Variants in TMOD2 observed in about 807,000 individuals in gnomAD.
TMOD2 encodes tropomodulin-2.
Under a neutral mutation model 39.9 loss-of-function variants are expected in TMOD2, and 22 were observed. That is an observed-to-expected ratio of 0.55 (90% CI 0.39 to 0.79). TMOD2 has a LOEUF of 0.79. TMOD2 is among the 30% of genes least tolerant of loss of function. The pLI, the probability that TMOD2 is intolerant of heterozygous loss-of-function variation, is 0.00. For missense variants in TMOD2, 386 were observed against 413.3 expected, an observed-to-expected ratio of 0.93 and a Z score of 0.57; for synonymous variants, 123 against 146.1, an observed-to-expected ratio of 0.84 and a Z score of 1.14.
intron 7 of TMOD2, chr15:51,783,877 T>A (rs903176134): frequency 1.3e-5 from 2 of 152,206 alleles, no homozygotes; most frequent in Non-Finnish European, 2.9e-5. Context: ...TTGTCCCAGG[T>A]AAATACTTAT....
In TMOD2 at chr15:51,809,054, C is replaced by T. The variant is rs1394063827; in HGVS notation, c.*600C>T. On this transcript the variant is annotated 3_prime_UTR_variant, in exon 10 of 10. Coordinates refer to ENST00000249700, the MANE Select transcript of TMOD2 (RefSeq NM_014548.4). ...TTCATAAAGCAAGACAACATTATGA[C>T]ACTTTAAAACAGTAGCAAAGAAGTC... 6.6e-6 allele frequency: 1 copy of T among 152,516 alleles called. No individual in the cohort carries two copies. Among genetic ancestry groups the T allele is most frequent in the African/African-American group, 2.4e-5 (1 of 41,452 alleles). 9.4% of individuals were successfully genotyped at this position (152,516 alleles called of 1,614,324 possible). A position where few individuals can be genotyped will look rare whatever the true frequency, so the allele number is the denominator to read the frequency against.
chr15:51,795,593 T>G lies in TMOD2; in HGVS notation c.733-2604T>G, dbSNP rs867024665. 8.8e-3 allele frequency among the ~76,000 whole-genome samples: 628 copies of G among 71,658 alleles called. 10 individuals carry two copies. The highest frequency in any genetic ancestry group is 0.018 in the Admixed American group (111 of 6,296). 47.0% of individuals were successfully genotyped at this position (71,658 alleles called of 152,430 possible). A position where few individuals can be genotyped will look rare whatever the true frequency, so the allele number is the denominator to read the frequency against. ...TGCTTGCTTGCTTTCTTTCTTTCTT[T>G]CTTTCTTTCTTTCTTTCTTTCTTTC... is the stretch of plus-strand genomic sequence containing the variant. On this transcript the variant is annotated intron_variant, in intron 7 of 9. Coordinates refer to ENST00000249700, the MANE Select transcript of TMOD2 (RefSeq NM_014548.4).
At chr15:51,766,599 A>G in intron 2 of TMOD2, 32 bp downstream of exon 2, 1 of 1,608,766 alleles carries the variant, frequency 6.2e-7, no homozygotes, top group South Asian at 1.1e-5. Flanking sequence ...CAGAGTGGTT[A>G]ATGATAGTAT....
intron 1 of TMOD2, among the ~76,000 whole-genome samples, chr15:51,759,265 G>C (rs768372643): frequency 7.2e-5 from 11 of 152,144 alleles, no homozygotes; most frequent in Non-Finnish European, 1.3e-4. Context: ...GAGGAAAGAT[G>C]ATGAGAGCAC....
chr15:51,783,778 GATA>G (rs2055949499), intron 7 of TMOD2: 1 of 151,954 alleles, frequency 6.6e-6, no homozygotes, highest in Non-Finnish European at 1.5e-5. Flanking sequence ...TAGATAGATA[GATA>G]GATAGATAGA....
At chr15:51,788,295 G>A (rs1042091129) in intron 7 of TMOD2, among the ~76,000 whole-genome samples, 4 of 152,150 alleles carry the variant, frequency 2.6e-5, no homozygotes. Context: ...CAAATTAATG[G>A]AGTACAGTCA....
intron 1 of TMOD2, among the ~76,000 whole-genome samples, chr15:51,760,084 G>A (rs2055770339): frequency 6.6e-6 from 1 of 152,208 alleles, no homozygotes; most frequent in Non-Finnish European, 1.5e-5. Context: ...GCAGGGGAGT[G>A]GATGTGGAGG....
Position 51,808,445 on chromosome 15 carries a change from C to T in TMOD2, c.1047C>T (p.Asp349=), listed in dbSNP as rs1199689996. ...DLVRKKRVEA[D]RR is the part of the protein sequence containing the mutation. ...TTCGTAAGAAGAGAGTTGAAGCAGA[C>T]CGAAGGTAAACTTCCTTGAGGAGAA... is the stretch of plus-strand genomic sequence containing the variant. The change falls in exon 10 of 10, where the codon GAC becomes GAT. Residue 349 remains aspartate (D), a synonymous_variant. Coordinates refer to ENST00000249700, the MANE Select transcript of TMOD2 (RefSeq NM_014548.4). 7 of 1,612,314 alleles carry T rather than the reference C, an allele frequency of 4.3e-6. No homozygotes were observed. The highest frequency in any genetic ancestry group is 5.1e-6 in the Non-Finnish European group (6 of 1,179,154).
chr15:51,794,660 C>A lies in TMOD2; in HGVS notation c.733-3537C>A, dbSNP rs8035223. 9.4e-3 allele frequency among the ~76,000 whole-genome samples: 1,429 copies of A among 152,316 alleles called. 22 individuals are homozygous for A. Among genetic ancestry groups the A allele is most frequent in the African/African-American group, 0.033 (1,377 of 41,582 alleles). On this transcript the variant is annotated intron_variant, in intron 7 of 9. Coordinates refer to ENST00000249700, the MANE Select transcript of TMOD2 (RefSeq NM_014548.4). ...CAGCCTCAGAGATTCCGATTTAATT[C>A]ATCTGGGGTAAATTTTTTAAAGCTC... is the stretch of plus-strand genomic sequence containing the variant.
intron 3 of TMOD2, among the ~76,000 whole-genome samples, chr15:51,769,090 G>A (rs1256059919): frequency 2.0e-5 from 3 of 152,212 alleles, no homozygotes; most frequent in Non-Finnish European, 4.4e-5. Flanking sequence ...GGGAGGATGA[G>A]TTGGGGAGAG....
chr15:51,792,707 C>G (rs1226983180), intron 7 of TMOD2, among the ~76,000 whole-genome samples: 2 of 152,160 alleles, frequency 1.3e-5, no homozygotes, highest in Non-Finnish European at 2.9e-5. Context: ...AGTTCATATC[C>G]TTTGCAGGGA....
At chr15:51,767,826 A>G (rs2055826004) in intron 2 of TMOD2, among the ~76,000 whole-genome samples, 2 of 152,236 alleles carry the variant, frequency 1.3e-5, no homozygotes, top group Admixed American at 1.3e-4. Context: ...TCAAGCAGGC[A>G]TTAACATCAT....
At chr15:51,786,846 C>T (rs141920922) in intron 7 of TMOD2, among the ~76,000 whole-genome samples, 88 of 152,304 alleles carry the variant, frequency 5.8e-4, no homozygotes, top group African/African-American at 2.0e-3. Context: ...GGAAATAAAA[C>T]GTGAGAGGTC....
At chr15:51,756,470 G>A (rs913126186) in intron 1 of TMOD2, 1 of 152,244 alleles carries the variant, frequency 6.6e-6, no homozygotes, top group Non-Finnish European at 1.5e-5. Flanking sequence ...AGCCTTCTGA[G>A]ATAAGTACTG....
At chr15:51,765,730 A>T (rs562082388) in intron 1 of TMOD2, among the ~76,000 whole-genome samples, 7 of 152,176 alleles carry the variant, frequency 4.6e-5, no homozygotes, top group Non-Finnish European at 8.8e-5. Context: ...ACAAAAAGGA[A>T]ATGGGACTAG....
At chr15:51,782,337 C>T (rs1567241093) in intron 6 of TMOD2, among the ~76,000 whole-genome samples, 1 of 152,048 alleles carries the variant, frequency 6.6e-6, no homozygotes, top group Non-Finnish European at 1.5e-5. Context: ...AATTTCCAGG[C>T]TAAGGGGAAA....
At chr15:51,766,206 C>T (rs2055815432) in intron 1 of TMOD2, among the ~76,000 whole-genome samples, 167 bp from the exon 2 acceptor site, 1 of 152,332 alleles carries the variant, frequency 6.6e-6, no homozygotes, top group East Asian at 1.9e-4. Context: ...TGTGAAAACA[C>T]TTTGTAAGCT....
At chr15:51,795,679 A>G (rs79812068) in intron 7 of TMOD2, among the ~76,000 whole-genome samples, 1,915 of 138,136 alleles carry the variant, frequency 0.014, 48 homozygotes, top group African/African-American at 0.051. Flanking sequence ...GAATCTCTGC[A>G]TCTTTCATCC....
chr15:51,779,686 C>CT (rs201773750), intron 5 of TMOD2, among the ~76,000 whole-genome samples: 4,036 of 142,898 alleles, frequency 0.028, 128 homozygotes, highest in Admixed American at 0.078. Flanking sequence ...AATGAAGATA[C>CT]TTTTTTTTTT....
Sources: gnomAD v4.1 joint callset for allele counts (sites outside exome capture counted in the v4.1 genomes callset) on GRCh38, gnomAD v4.1.1 for gene constraint, MANE v1.5 for transcripts, NCBI Gene and HGNC (gene_info 2026-07-23, HGNC 2026-07-21) for gene names.